The following ENTREP2 variants were observed in gnomAD, a reference collection of about 807,000 sequenced individuals.
The protein encoded by ENTREP2 is protein ENTREP2.
chr15:29,174,558 G>A, the ENTREP2 span, among the ~76,000 whole-genome samples: 2 of 152,102 alleles, frequency 1.3e-5, no homozygotes, highest in Admixed American at 6.5e-5. Flanking sequence ...GCATGGTGGC[G>A]GGCGCCTGTA....
the ENTREP2 span, among the ~76,000 whole-genome samples, chr15:29,508,229 A>G: frequency 6.6e-6 from 1 of 152,172 alleles, no homozygotes; most frequent in Non-Finnish European, 1.5e-5. Context: ...TAGACCAATA[A>G]CAAGTTCTGA....
chr15:29,429,212 TC>T, the ENTREP2 span, among the ~76,000 whole-genome samples: 1 of 151,864 alleles, frequency 6.6e-6, no homozygotes. Context: ...CATCCATCCA[TC>T]CATCCATCCA....
At chr15:29,628,876 A>C in the ENTREP2 span, among the ~76,000 whole-genome samples, 3 of 152,034 alleles carry the variant, frequency 2.0e-5, no homozygotes, top group Admixed American at 6.5e-5. Flanking sequence ...CAGCCTCCCA[A>C]GTAGCTGGGA....
At chr15:29,659,802 A>ATTT in the ENTREP2 span, among the ~76,000 whole-genome samples, 890 of 147,216 alleles carry the variant, frequency 6.0e-3, 11 homozygotes, top group African/African-American at 0.021. Flanking sequence ...ATGCCACTAT[A>ATTT]TTTTTTTTTT....
the ENTREP2 span, among the ~76,000 whole-genome samples, chr15:29,446,243 G>C: frequency 6.6e-6 from 1 of 152,142 alleles, no homozygotes. Flanking sequence ...CCGACTCTAA[G>C]GCATTTTGTT....
chr15:29,374,175 A>C, the ENTREP2 span: 1 of 152,190 alleles, frequency 6.6e-6, no homozygotes, highest in South Asian at 2.1e-4. Flanking sequence ...AGTCTCACAG[A>C]AAAAATATGT....
At chr15:29,264,948 C>T in the ENTREP2 span, 4 of 152,194 alleles carry the variant, frequency 2.6e-5, no homozygotes, top group African/African-American at 9.6e-5. Flanking sequence ...TATCAGAAAA[C>T]TGTATGTTAT....
chr15:29,245,898 T>C, the ENTREP2 span, among the ~76,000 whole-genome samples: 9 of 152,144 alleles, frequency 5.9e-5, no homozygotes, highest in African/African-American at 1.9e-4. Context: ...GGGTGCCTTG[T>C]GTTTGGAGAG....
the ENTREP2 span, chr15:29,233,907 G>A: frequency 1.3e-6 from 2 of 1,575,886 alleles, no homozygotes; most frequent in South Asian, 2.2e-5. Context: ...GATGTAGATG[G>A]CTGAAGAAAC....
At chr15:29,159,355 A>T in the ENTREP2 span, among the ~76,000 whole-genome samples, 1 of 152,198 alleles carries the variant, frequency 6.6e-6, no homozygotes, top group East Asian at 1.9e-4. Flanking sequence ...CAGCTCATAA[A>T]GGCAAGGTGG....
chr15:29,126,404 G>A, the ENTREP2 span: 1 of 1,548,860 alleles, frequency 6.5e-7, no homozygotes, highest in East Asian at 2.4e-5. Flanking sequence ...GGAGGGTGCT[G>A]GGGCGCCCAC....
At chr15:29,193,979 G>A in the ENTREP2 span, among the ~76,000 whole-genome samples, 2 of 152,126 alleles carry the variant, frequency 1.3e-5, no homozygotes, top group African/African-American at 4.8e-5. Context: ...AAGAAACACT[G>A]AAGAAATGAA....
the ENTREP2 span, chr15:29,381,870 G>A: frequency 1.2e-4 from 183 of 1,538,034 alleles, 1 homozygote; most frequent in Admixed American, 1.6e-4. Flanking sequence ...AGATGCTTCC[G>A]AAACCTTGCA....
At chr15:29,291,360 T>C in the ENTREP2 span, among the ~76,000 whole-genome samples, 1 of 152,262 alleles carries the variant, frequency 6.6e-6, no homozygotes, top group East Asian at 1.9e-4. Context: ...GTCTCTCTGG[T>C]TCAACCTCTG....
the ENTREP2 span, among the ~76,000 whole-genome samples, chr15:29,581,080 A>C: frequency 6.6e-6 from 1 of 152,114 alleles, no homozygotes; most frequent in Non-Finnish European, 1.5e-5. Flanking sequence ...TATTAGTTTT[A>C]GTCTTCTAAT....
At chr15:29,619,339 C>T in the ENTREP2 span, among the ~76,000 whole-genome samples, 1 of 152,122 alleles carries the variant, frequency 6.6e-6, no homozygotes, top group Non-Finnish European at 1.5e-5. Flanking sequence ...TTGCAGTGAG[C>T]CTAGGTTGTG....
At chr15:29,155,031 C>T in the ENTREP2 span, among the ~76,000 whole-genome samples, 6 of 152,028 alleles carry the variant, frequency 3.9e-5, no homozygotes, top group Non-Finnish European at 7.4e-5. Context: ...GCCTGTAATC[C>T]CAGCACTTTG....
chr15:29,196,153 T>G, the ENTREP2 span, among the ~76,000 whole-genome samples: 1 of 152,162 alleles, frequency 6.6e-6, no homozygotes, highest in Non-Finnish European at 1.5e-5. Context: ...CCATCATCAT[T>G]TGTAAAGACC....
chr15:29,578,107 A>G, the ENTREP2 span, among the ~76,000 whole-genome samples: 1 of 152,232 alleles, frequency 6.6e-6, no homozygotes, highest in East Asian at 1.9e-4. Context: ...TTTTACCACA[A>G]TAAGAAAAAA....
Sources: allele counts gnomAD v4.1 joint callset (sites outside exome capture counted in the v4.1 genomes callset), GRCh38; gene constraint gnomAD v4.1.1; transcripts MANE v1.5; gene names NCBI Gene and HGNC (gene_info 2026-07-23, HGNC 2026-07-21).